CLDN10: variants seen among roughly 807,000 people sequenced by gnomAD.
The protein encoded by CLDN10 is claudin 10, also known as claudin-10.
In CLDN10, 15 loss-of-function variants were observed where a neutral mutation model predicts 22.9. The ratio of observed to expected loss-of-function variants is 0.65; its 90% CI spans 0.44 to 1.01. The LOEUF (loss-of-function observed/expected upper bound fraction) is 1.01, where lower values mean the gene tolerates loss of function less well. Ranked by LOEUF, CLDN10 falls within the 50% of genes least tolerant of loss-of-function variation. The pLI, the probability that CLDN10 is intolerant of heterozygous loss-of-function variation, is 0.00. For synonymous variants in CLDN10, 114 were observed against 111.4 expected (o/e 1.02, Z -0.15); for missense variants, 247 against 287.8 (o/e 0.86, Z 1.03).
chr13:95,435,032 T>C (rs908237694), intron 1 of CLDN10, among the ~76,000 whole-genome samples: 4 of 152,192 alleles, frequency 2.6e-5, no homozygotes, highest in African/African-American at 9.7e-5. Flanking sequence ...TAAGAATACA[T>C]GGGGCAAGCT....
chr13:95,564,035 T>G (rs759660258), intron 3 of CLDN10, among the ~76,000 whole-genome samples: 1 of 152,250 alleles, frequency 6.6e-6, no homozygotes, highest in African/African-American at 2.4e-5. Flanking sequence ...TGGTTTTGTT[T>G]GTACATGAAC....
chr13:95,500,134 T>A (rs1013244051), intron 1 of CLDN10, among the ~76,000 whole-genome samples: 4 of 152,180 alleles, frequency 2.6e-5, no homozygotes, highest in African/African-American at 9.7e-5. Flanking sequence ...GGCACTGTTC[T>A]AAAATTTGAG....
At chr13:95,481,642 T>C (rs976885710) in intron 1 of CLDN10, among the ~76,000 whole-genome samples, 6 of 152,326 alleles carry the variant, frequency 3.9e-5, no homozygotes, top group African/African-American at 1.4e-4. Flanking sequence ...GAAAACTTCA[T>C]TTGTGAACAC....
intron 1 of CLDN10, among the ~76,000 whole-genome samples, chr13:95,460,345 T>A (rs1166120891): frequency 6.6e-6 from 1 of 152,306 alleles, no homozygotes; most frequent in Middle Eastern, 3.4e-3. Flanking sequence ...TGGTACCAAT[T>A]GACTGTATTA....
At chr13:95,500,019 G>C (rs1196805691) in intron 1 of CLDN10, among the ~76,000 whole-genome samples, 2 of 152,222 alleles carry the variant, frequency 1.3e-5, no homozygotes, top group East Asian at 3.8e-4. Flanking sequence ...CCCACAGGCA[G>C]CCCATAGGCC....
chr13:95,569,652 C>G (rs1411131310), intron 3 of CLDN10, among the ~76,000 whole-genome samples: 1 of 152,132 alleles, frequency 6.6e-6, no homozygotes, highest in Non-Finnish European at 1.5e-5. Flanking sequence ...AATTGTTGGT[C>G]ACCTCTGTCA....
chr13:95,446,757 G>T (rs534408122), intron 1 of CLDN10, among the ~76,000 whole-genome samples: 1 of 151,986 alleles, frequency 6.6e-6, no homozygotes. Flanking sequence ...CAGGAGAATC[G>T]CTTGAACCCA....
intron 1 of CLDN10, among the ~76,000 whole-genome samples, chr13:95,555,047 G>GTTTTTTTTTT (rs71211686): frequency 1.1e-4 from 12 of 108,626 alleles, no homozygotes; most frequent in East Asian, 8.3e-4. Flanking sequence ...TGTTAATCCA[G>GTTTTTTTTTT]TTTTTTTTTT....
intron 1 of CLDN10, among the ~76,000 whole-genome samples, chr13:95,523,567 A>C (rs1387651695): frequency 6.6e-6 from 1 of 151,890 alleles, no homozygotes. Context: ...ATAGCCAATT[A>C]TCTCAACGTT....
intron 1 of CLDN10, among the ~76,000 whole-genome samples, chr13:95,476,318 G>C (rs1566289934): frequency 6.6e-6 from 1 of 152,162 alleles, no homozygotes; most frequent in Non-Finnish European, 1.5e-5. Flanking sequence ...CTGGAGGGTG[G>C]GAAGTAAGTC....
chr13:95,534,441 C>T (rs1271042299), intron 1 of CLDN10, among the ~76,000 whole-genome samples: 1 of 152,122 alleles, frequency 6.6e-6, no homozygotes, highest in African/African-American at 2.4e-5. Flanking sequence ...TCCACCTAAG[C>T]TTAACTATAC....
At chr13:95,445,745 G>A (rs111780287) in intron 1 of CLDN10, among the ~76,000 whole-genome samples, 116 of 152,300 alleles carry the variant, frequency 7.6e-4, no homozygotes, top group Non-Finnish European at 1.5e-3. Context: ...TAGTTTGACC[G>A]AGTTTAATTT....
intron 3 of CLDN10, among the ~76,000 whole-genome samples, chr13:95,562,110 T>G (rs1380109573): frequency 6.7e-6 from 1 of 149,916 alleles, no homozygotes; most frequent in Non-Finnish European, 1.5e-5. Flanking sequence ...TTTTGTATTT[T>G]TAGTAGGGAC....
intron 1 of CLDN10, among the ~76,000 whole-genome samples, chr13:95,515,945 A>G (rs952603187): frequency 6.6e-6 from 1 of 152,080 alleles, no homozygotes; most frequent in African/African-American, 2.4e-5. Flanking sequence ...GTGATGGAGC[A>G]TGCCTGTAAT....
intron 1 of CLDN10, among the ~76,000 whole-genome samples, chr13:95,534,281 A>G (rs2138611605): frequency 1.3e-5 from 2 of 152,344 alleles, no homozygotes; most frequent in East Asian, 3.9e-4. Flanking sequence ...GAAAAAGAAG[A>G]AGAAAACATG....
At chr13:95,484,540 G>A (rs2042781613) in intron 1 of CLDN10, among the ~76,000 whole-genome samples, 1 of 152,068 alleles carries the variant, frequency 6.6e-6, no homozygotes, top group South Asian at 2.1e-4. Flanking sequence ...GGAAATGTAA[G>A]TGTGTAAAGA....
chr13:95,547,291 G>A (rs1292079062), intron 1 of CLDN10, among the ~76,000 whole-genome samples: 1 of 151,878 alleles, frequency 6.6e-6, no homozygotes, highest in African/African-American at 2.4e-5. Flanking sequence ...TGACTTCCTG[G>A]TTTCCCTCCC....
chr13:95,474,187 CAGTGACAGATCATCAAG>C (rs71932495), intron 1 of CLDN10, among the ~76,000 whole-genome samples: 31,548 of 151,946 alleles, frequency 0.21, 3,822 homozygotes, highest in Non-Finnish European at 0.29. Flanking sequence ...TGATGGGAGA[CAGTGACAGATCATCAAG>C]AGTGACAGAT....
At chr13:95,491,357 T>C (rs2042870406) in intron 1 of CLDN10, among the ~76,000 whole-genome samples, 1 of 152,020 alleles carries the variant, frequency 6.6e-6, no homozygotes, top group South Asian at 2.1e-4. Flanking sequence ...GTTCATATTT[T>C]ATTATTCTTT....
Sources: allele counts gnomAD v4.1 joint callset (sites outside exome capture counted in the v4.1 genomes callset), GRCh38; gene constraint gnomAD v4.1.1; transcripts MANE v1.5; gene names NCBI Gene and HGNC (gene_info 2026-07-23, HGNC 2026-07-21).